Variants in KCNG4 observed in about 807,000 individuals in gnomAD.
KCNG4 encodes the protein voltage-gated potassium channel regulatory subunit KCNG4.
A neutral mutation model predicts 28.2 loss-of-function variants in KCNG4; 30 were observed. The ratio of observed to expected loss-of-function variants is 1.06; its 90% CI spans 0.80 to 1.44. The LOEUF is 1.44. Among genes scored for constraint, KCNG4 ranks in the 40% most tolerant of loss-of-function variants. The pLI, the probability that KCNG4 is intolerant of heterozygous loss-of-function variation, is 0.00. For missense variants in KCNG4, 879 were observed against 712.3 expected, an observed-to-expected ratio of 1.23 and a Z score of -2.66; for synonymous variants, 375 against 315.5, an observed-to-expected ratio of 1.19 and a Z score of -2.00.
At chr16:84,230,233 C>T (rs244802) in intron 2 of KCNG4, among the ~76,000 whole-genome samples, 77,355 of 151,772 alleles carry the variant, frequency 0.51, 20,078 homozygotes, top group Middle Eastern at 0.61. Flanking sequence ...GGCGAAACCC[C>T]GTCTCTACTA....
chr16:84,219,135 C>G lies in KCNG4; in HGVS notation c.*3082G>C, dbSNP rs557775385. Reference sequence around the variant, plus strand: ...AGAGGAGACTGGGGATTTGCACATTCTTTTCAGTGTCATTAATTGCAAATG... The same window carrying G: ...AGAGGAGACTGGGGATTTGCACATTGTTTTCAGTGTCATTAATTGCAAATG... On this transcript the variant is annotated 3_prime_UTR_variant, in exon 3 of 3. Coordinates refer to ENST00000308251, the MANE Select transcript of KCNG4 (RefSeq NM_172347.3). The G allele has an allele frequency of 6.6e-6, 1 of 152,250 alleles. No homozygotes were observed. The highest frequency in any genetic ancestry group is 1.5e-5 in the Non-Finnish European group (1 of 68,082). The allele number at this position is 152,250 out of a possible 1,614,324, so 9.4% of individuals were successfully genotyped here. A position where few individuals can be genotyped will look rare whatever the true frequency, so the allele number is the denominator to read the frequency against.
Position 84,221,967 on chromosome 16 carries a change from T to G in KCNG4, c.*250A>C. 2 of 521,720 alleles carry G rather than the reference T, an allele frequency of 3.8e-6. No individual in the cohort carries two copies. Among genetic ancestry groups the G allele is most frequent in the East Asian group, 3.4e-5 (1 of 29,630 alleles). The allele number at this position is 521,720 out of a possible 1,614,324, so 32.3% of individuals were successfully genotyped here. On this transcript the variant is annotated 3_prime_UTR_variant, in exon 3 of 3. Coordinates refer to ENST00000308251, the MANE Select transcript of KCNG4 (RefSeq NM_172347.3). Reference sequence around the variant, plus strand: ...AGGAGACTGAGCTACTCCAGCAAGATTGGACATGCTCAGTAGATGGGCAGA... The same window carrying G: ...AGGAGACTGAGCTACTCCAGCAAGAGTGGACATGCTCAGTAGATGGGCAGA...
intron 2 of KCNG4, among the ~76,000 whole-genome samples, chr16:84,230,145 C>A (rs371644608): frequency 1.3e-5 from 2 of 152,186 alleles, no homozygotes; most frequent in African/African-American, 4.8e-5. Flanking sequence ...TGGCTCAGGC[C>A]TATAATCCCA....
intron 2 of KCNG4, among the ~76,000 whole-genome samples, chr16:84,223,977 C>CG (rs1904638749): frequency 6.6e-6 from 1 of 152,206 alleles, no homozygotes; most frequent in African/African-American, 2.4e-5. Flanking sequence ...TCCAGCTGGG[C>CG]GGGGGCCGTT....
At chr16:84,224,407 C>CACACACACACACATACAT (rs752884388) in intron 2 of KCNG4, among the ~76,000 whole-genome samples, 2 of 95,928 alleles carry the variant, frequency 2.1e-5, no homozygotes, top group Non-Finnish European at 4.6e-5. Context: ...CATATTTACA[C>CACACACACACACATACAT]ACACACACAC....
Position 84,230,820 on chromosome 16 carries a change from G to C in KCNG4, c.756+5910C>G, listed in dbSNP as rs753502627. Among the ~76,000 whole-genome samples, 3 of 152,252 alleles carry C rather than the reference G, an allele frequency of 2.0e-5. No homozygotes were observed. The South Asian group carries it at 6.2e-4, about 31-fold the overall frequency. Reference sequence around the variant, plus strand: ...AGCCCCAGGCAATGCTGTGGGGCAGGCGTAGCACCCAAGATGGGAGGAGAA... The same window carrying C: ...AGCCCCAGGCAATGCTGTGGGGCAGCCGTAGCACCCAAGATGGGAGGAGAA... On this transcript the variant is annotated intron_variant, in intron 2 of 2. Coordinates refer to ENST00000308251, the MANE Select transcript of KCNG4 (RefSeq NM_172347.3).
At position 84,226,409 on chromosome 16, in the gene KCNG4, T is replaced by G. The variant is rs975099960; in HGVS notation, c.757-3389A>C. Among the ~76,000 whole-genome samples the G allele has an allele frequency of 5.8e-4, 88 of 152,236 alleles. No individual in the cohort carries two copies. The highest frequency in any genetic ancestry group is 6.8e-3 in the Middle Eastern group (2 of 294). On this transcript the variant is annotated intron_variant, in intron 2 of 2. Coordinates refer to ENST00000308251, the MANE Select transcript of KCNG4 (RefSeq NM_172347.3). This position sits in a 1 kb window ranked among gnomAD's most constrained non-coding sequence, Gnocchi z 4.1. Reference sequence around the variant, plus strand: ...GAGCTTTCTGGGGTCACAGAAATATTCTATACTCACAGGGGAGAGGCTGAC... The same window carrying G: ...GAGCTTTCTGGGGTCACAGAAATATGCTATACTCACAGGGGAGAGGCTGAC...
At chr16:84,224,284 G>A (rs1189419237) in intron 2 of KCNG4, among the ~76,000 whole-genome samples, 6 of 152,104 alleles carry the variant, frequency 3.9e-5, no homozygotes, top group Admixed American at 2.0e-4. Flanking sequence ...TGCTTGGGCA[G>A]GGTCCTCCCA....
chr16:84,232,946 C>T (rs1025722125), intron 2 of KCNG4, among the ~76,000 whole-genome samples: 1 of 151,010 alleles, frequency 6.6e-6, no homozygotes, highest in Non-Finnish European at 1.5e-5. Flanking sequence ...ATCTAAGCTC[C>T]AAGGAAATCA....
chr16:84,223,826 C>T (rs935060459), intron 2 of KCNG4, among the ~76,000 whole-genome samples: 11 of 152,144 alleles, frequency 7.2e-5, no homozygotes, highest in Non-Finnish European at 1.3e-4. Context: ...GTTCTAACCC[C>T]GGGCATTCTG....
chr16:84,234,340 T>A (rs922170109), intron 2 of KCNG4, among the ~76,000 whole-genome samples: 4 of 151,526 alleles, frequency 2.6e-5, no homozygotes, highest in Admixed American at 6.6e-5. Flanking sequence ...ACCTGGCTAA[T>A]TTTTTTTTGT....
At chr16:84,224,407 C>CACACACACACACACAT (rs1555536145) in intron 2 of KCNG4, among the ~76,000 whole-genome samples, 34 of 96,022 alleles carry the variant, frequency 3.5e-4, no homozygotes, top group African/African-American at 1.2e-3. Flanking sequence ...CATATTTACA[C>CACACACACACACACAT]ACACACACAC....
At position 84,222,776 on chromosome 16, in the gene KCNG4, A is replaced by C. The variant is rs1340949099; in HGVS notation, c.1001T>G (p.Leu334Arg). The change falls in exon 3 of 3, where the codon CTG becomes CGG. Residue 334 changes from leucine (L) to arginine (R), a missense_variant. Leu to Arg is a moderately radical substitution (Grantham distance 102). Coordinates refer to ENST00000308251, the MANE Select transcript of KCNG4 (RefSeq NM_172347.3). ...SGSSYLEKVG[L>R]VLRVLRALRI... is the part of the protein sequence containing the mutation. Reference sequence around the variant, plus strand: ...CAGCGCTCGCAGCACACGCAGGACCAGCCCCACCTTCTCCAGGTAGGAGCT... The same window carrying C: ...CAGCGCTCGCAGCACACGCAGGACCCGCCCCACCTTCTCCAGGTAGGAGCT... 6.2e-7 allele frequency: 1 copy of C among 1,610,932 alleles called. No individual in the cohort carries two copies. Among genetic ancestry groups the C allele is most frequent in the African/African-American group, 1.3e-5 (1 of 74,876 alleles).
rs1163801727 is a variant in KCNG4 at position 84,220,216 on chromosome 16, T to C, written c.*2001A>G. 1 of 152,162 alleles carries C rather than the reference T, an allele frequency of 6.6e-6. No homozygotes were observed. The highest frequency in any genetic ancestry group is 1.9e-4 in the East Asian group (1 of 5,200). 9.4% of individuals were successfully genotyped at this position (152,162 alleles called of 1,614,324 possible). On this transcript the variant is annotated 3_prime_UTR_variant, in exon 3 of 3. Coordinates refer to ENST00000308251, the MANE Select transcript of KCNG4 (RefSeq NM_172347.3). ...TGTGGAGTGGAGTGGCCATCCAGGC[T>C]GGGGATTTTATAGGGTGAAGGGGCT...
rs1354122746 is a variant in KCNG4 at position 84,222,540 on chromosome 16, T to C, written c.1237A>G (p.Ile413Val). ...TAGCCCACCGTTGTCATGGAGATGATGGCCCACCAATAGGAGGCGGGGATG... is the reference window on the plus strand; with the variant it reads ...TAGCCCACCGTTGTCATGGAGATGACGGCCCACCAATAGGAGGCGGGGATG... ...TSIPASYWWA[I>V]ISMTTVGYGD... The change falls in exon 3 of 3, where the codon ATC (isoleucine) becomes GTC (valine). Residue 413 changes from isoleucine (I) to valine (V), a missense_variant. Ile to Val is a conservative substitution (Grantham distance 29). Coordinates refer to ENST00000308251, the MANE Select transcript of KCNG4 (RefSeq NM_172347.3). 3 of 1,613,466 alleles carry C rather than the reference T, an allele frequency of 1.9e-6. No individual in the cohort carries two copies. The highest frequency in any genetic ancestry group is 2.5e-6 in the Non-Finnish European group (3 of 1,179,980).
In KCNG4 at chr16:84,228,680, G is replaced by A. The variant is rs76085185; in HGVS notation, c.757-5660C>T. Among the ~76,000 whole-genome samples the A allele has an allele frequency of 4.6e-3, 693 of 152,056 alleles. 2 individuals carry two copies. Among genetic ancestry groups the A allele is most frequent in the African/African-American group, 0.016 (663 of 41,458 alleles). ...GGGACACAAGGGCTCTGAGAGTGCTGGAACCAACCGGACGGGGTCAGCCCC... is the reference window on the plus strand; with the variant it reads ...GGGACACAAGGGCTCTGAGAGTGCTAGAACCAACCGGACGGGGTCAGCCCC... On this transcript the variant is annotated intron_variant, in intron 2 of 2. Transcript: ENST00000308251.
chr16:84,227,827 C>T (rs1472414588), intron 2 of KCNG4, among the ~76,000 whole-genome samples: 1 of 152,060 alleles, frequency 6.6e-6, no homozygotes, highest in South Asian at 2.1e-4. Context: ...GACACAGACA[C>T]GACATGTTGG....
chr16:84,236,685 G>A (rs1182572294), intron 2 of KCNG4, 45 bp downstream of exon 2: 1 of 1,554,526 alleles, frequency 6.4e-7, no homozygotes, highest in Non-Finnish European at 8.7e-7. Flanking sequence ...CTCCGCCCAG[G>A]CACCCTGCGG....
At chr16:84,228,538 GCTCCCATGGGC>G (rs939337638) in intron 2 of KCNG4, among the ~76,000 whole-genome samples, 3 of 151,156 alleles carry the variant, frequency 2.0e-5, no homozygotes, top group Non-Finnish European at 2.9e-5. Flanking sequence ...CCTTTACTCC[GCTCCCATGGGC>G]CTCCCCCCAG....
Sources: gnomAD v4.1 joint callset for allele counts (sites outside exome capture counted in the v4.1 genomes callset) on GRCh38, gnomAD v4.1.1 for gene constraint, Gnocchi (gnomAD v3.1) non-coding constraint, MANE v1.5 for transcripts, NCBI Gene and HGNC (gene_info 2026-07-23, HGNC 2026-07-21) for gene names.